Variants in CYC1 observed in about 807,000 individuals in gnomAD.
The protein encoded by CYC1 is cytochrome c1, heme protein, mitochondrial.
In CYC1, 10 loss-of-function variants were observed where a neutral mutation model predicts 33.8. The observed-to-expected ratio is 0.30, with a 90% CI of 0.18 to 0.50. CYC1 has a LOEUF of 0.50. Among genes scored for constraint, CYC1 ranks in the 20% least tolerant of loss-of-function variants. CYC1 has a pLI of 0.98. For missense variants in CYC1, 459 were observed against 437.6 expected (o/e 1.05, Z -0.44); for synonymous variants, 224 against 181.9 (o/e 1.23, Z -1.86).
Position 144,096,048 on chromosome 8 carries a change from G to A in CYC1, c.326+19G>A. The stretch of plus-strand genomic sequence containing the variant: ...ACACCAGGTGTGCAGCTGGCTGGCT[G>A]GCTGGCAGCGGGAGGTTCTGGGTGG... On this transcript the variant is annotated intron_variant, in intron 2 of 6. Coordinates refer to ENST00000318911, the MANE Select transcript of CYC1 (RefSeq NM_001916.5). 1.3e-6 allele frequency: 2 copies of A among 1,599,874 alleles called. No homozygotes were observed. Among genetic ancestry groups the A allele is most frequent in the Non-Finnish European group, 1.7e-6 (2 of 1,174,324 alleles).
In CYC1 at chr8:144,095,129, G is replaced by GGTA; in HGVS notation, c.33_35dup (p.Val12dup). ...CGGCAGCTGCGGCTTCGCTTCGCGG[G>GGTA]GTAGTGTTGGGCCCGCGGGGCGCGG... On this transcript the variant is annotated inframe_insertion, in exon 1 of 7. Transcript: ENST00000318911. 1 of 1,211,170 alleles carries GGTA rather than the reference G, an allele frequency of 8.3e-7. No individual in the cohort carries two copies. Among genetic ancestry groups the GGTA allele is most frequent in the East Asian group, 3.4e-5 (1 of 29,532 alleles). The allele number at this position is 1,211,170 out of a possible 1,614,324, so 75.0% of individuals were successfully genotyped here. A position where few individuals can be genotyped will look rare whatever the true frequency, so the allele number is the denominator to read the frequency against.
In CYC1 at chr8:144,096,035, C is replaced by CAGCTGGCT. The variant is rs1836144992; in HGVS notation, c.326+7_326+14dup. 6.2e-7 allele frequency: 1 copy of CAGCTGGCT among 1,600,198 alleles called. No homozygotes were observed. The highest frequency in any genetic ancestry group is 2.2e-5 in the East Asian group (1 of 44,694). ...TCTTCCTTGGACCACACCAGGTGTG[C>CAGCTGGCT]AGCTGGCTGGCTGGCTGGCAGCGGG... On this transcript the variant is annotated splice_region_variant and intron_variant, in intron 2 of 6. Coordinates refer to ENST00000318911, the MANE Select transcript of CYC1 (RefSeq NM_001916.5).
chr8:144,096,738 G>T lies in CYC1; in HGVS notation c.766G>T (p.Asp256Tyr). The part of the protein sequence containing the change: ...PPIYTDVLEF[D>Y]DGTPATMSQI... Reference sequence around the variant, plus strand: ...CATCTACACAGATGTCTTAGAGTTTGACGATGGTAAGAGGCCTCCAGTCTG... The same window carrying T: ...CATCTACACAGATGTCTTAGAGTTTTACGATGGTAAGAGGCCTCCAGTCTG... The change falls in exon 5 of 7, where the codon GAC (aspartate) becomes TAC (tyrosine). Residue 256 changes from aspartate to tyrosine, a missense_variant. Transcript: ENST00000318911. The T allele has an allele frequency of 6.2e-7, 1 of 1,607,466 alleles. No individual in the cohort carries two copies. The highest frequency in any genetic ancestry group is 1.1e-5 in the South Asian group (1 of 90,860).
intron 1 of CYC1, chr8:144,095,453 G>A: frequency 6.9e-6 from 3 of 434,866 alleles, no homozygotes; most frequent in South Asian, 5.3e-5. Flanking sequence ...GGCGGGACGG[G>A]CTAGCTGCCG....
At chr8:144,095,619 T>A (rs1186768686) in intron 1 of CYC1, 8 of 596,984 alleles carry the variant, frequency 1.3e-5, no homozygotes, top group Non-Finnish European at 2.3e-5. Flanking sequence ...TTCGGTCTGA[T>A]CCCCGGCTCA....
chr8:144,095,884 C>G lies in CYC1; in HGVS notation c.181C>G (p.Leu61Val). 1 of 1,609,142 alleles carries G rather than the reference C, an allele frequency of 6.2e-7. No individual in the cohort carries two copies. The highest frequency in any genetic ancestry group is 8.5e-7 in the Non-Finnish European group (1 of 1,179,808). Residue 61 changes from leucine to valine, a missense_variant, in exon 2 of 7, where the codon CTG becomes GTG. Transcript: ENST00000318911. ...SGLSRGRKVMLSALGMLAAGG... is the reference protein window; with the variant it reads ...SGLSRGRKVMVSALGMLAAGG... ...CCTTTCCCGAGGCCGGAAAGTGATG[C>G]TGTCAGCGCTGGGCATGCTGGCGGC...
intron 6 of CYC1, 29 bp from the exon 7 acceptor site, chr8:144,097,203 T>G (rs1443878669): frequency 1.2e-6 from 2 of 1,611,122 alleles, no homozygotes; most frequent in Admixed American, 1.7e-5. Context: ...TCCTCCCCAC[T>G]CCCTTCTCTG....
At position 144,096,186 on chromosome 8, in the gene CYC1, T is replaced by C. The variant is rs1486013645; in HGVS notation, c.389T>C (p.Val130Ala). The change falls in exon 3 of 7, where the codon GTG (valine) becomes GCG (alanine). Residue 130 changes from valine (V) to alanine (A), a missense_variant. Physicochemically the swap from Val to Ala is moderately conservative, Grantham distance 64. Coordinates refer to ENST00000318911, the MANE Select transcript of CYC1 (RefSeq NM_001916.5). The part of the protein sequence containing the change: ...VCASCHSMDF[V>A]AYRHLVGVCY... ...GCCTCCTGCCACAGCATGGACTTCG[T>C]GGCCTACCGCCACCTGGTGGGCGTG... The C allele has an allele frequency of 1.2e-6, 2 of 1,614,068 alleles. No homozygotes were observed. Among genetic ancestry groups the C allele is most frequent in the Non-Finnish European group, 1.7e-6 (2 of 1,179,968 alleles).
chr8:144,096,052 G>A (rs780764166), intron 2 of CYC1, 23 bp downstream of exon 2: 4 of 1,600,136 alleles, frequency 2.5e-6, no homozygotes, highest in Non-Finnish European at 3.4e-6. Flanking sequence ...CTGGCTGGCT[G>A]GCAGCGGGAG....
chr8:144,096,995 T>C (rs983386775), intron 5 of CYC1, 39 bp from the exon 6 acceptor site: 2 of 1,533,476 alleles, frequency 1.3e-6, no homozygotes, highest in Admixed American at 1.8e-5. Flanking sequence ...AGGTTGGACA[T>C]GAGCCTGAGA....
chr8:144,096,914 G>T (rs748319053), intron 5 of CYC1, 120 bp from the exon 6 acceptor site: 1 of 1,163,290 alleles, frequency 8.6e-7, no homozygotes, highest in African/African-American at 1.5e-5. Flanking sequence ...CGTATGTCCG[G>T]TGGAGGGTAC....
Position 144,097,123 on chromosome 8 carries a change from A to G in CYC1, c.862A>G (p.Met288Val), listed in dbSNP as rs769234556. 4 of 1,612,414 alleles carry G rather than the reference A, an allele frequency of 2.5e-6. No individual in the cohort carries two copies. The highest frequency in any genetic ancestry group is 3.4e-6 in the Non-Finnish European group (4 of 1,179,150). The change falls in exon 6 of 7, where the codon ATG (methionine) becomes GTG (valine). Residue 288 changes from methionine to valine, a missense_variant. Coordinates refer to ENST00000318911, the MANE Select transcript of CYC1 (RefSeq NM_001916.5). The part of the protein sequence containing the change: ...SEPEHDHRKR[M>V]GLKMLMMMAL... ...GCCAGAGCACGACCATCGAAAACGC[A>G]TGGGGCTCAAGGTAAAAGGGTTGGG...
rs544895633 is a variant in CYC1 at position 144,095,689 on chromosome 8, G to A, written c.130-144G>A. ...CGGTCTAGGGGTCAGCGGCGGAGAGGGATGGGGTGGGTAGTGGGACAGGGT... is the reference window on the plus strand; with the variant it reads ...CGGTCTAGGGGTCAGCGGCGGAGAGAGATGGGGTGGGTAGTGGGACAGGGT... On this transcript the variant is annotated intron_variant, in intron 1 of 6. Coordinates refer to ENST00000318911, the MANE Select transcript of CYC1 (RefSeq NM_001916.5). 1.4e-5 allele frequency: 11 copies of A among 802,700 alleles called. No homozygotes were observed. The South Asian group carries it at 1.5e-4, about 11-fold the overall frequency. The allele number at this position is 802,700 out of a possible 1,614,324, so 49.7% of individuals were successfully genotyped here.
At position 144,096,619 on chromosome 8, in the gene CYC1, C is replaced by T. The variant is rs749095706; in HGVS notation, c.647C>T (p.Thr216Met). Reference protein sequence around the residue: ...GGEDYVFSLLTGYCEPPTGVS... With the variant: ...GGEDYVFSLLMGYCEPPTGVS... Reference sequence around the variant, plus strand: ...GAGGACTACGTCTTCTCCCTGCTCACGGGCTACTGCGAGCCACCCACCGGG... The same window carrying T: ...GAGGACTACGTCTTCTCCCTGCTCATGGGCTACTGCGAGCCACCCACCGGG... The change falls in exon 5 of 7, where the codon ACG (threonine) becomes ATG (methionine). Residue 216 changes from threonine to methionine, a missense_variant. Thr to Met is a moderately conservative substitution (Grantham distance 81, BLOSUM62 -1). Transcript: ENST00000318911. The T allele has an allele frequency of 9.9e-6, 16 of 1,613,894 alleles. No individual in the cohort carries two copies. Among genetic ancestry groups the T allele is most frequent in the Admixed American group, 6.7e-5 (4 of 59,996 alleles).
rs2129968969 is a variant in CYC1 at position 144,096,019 on chromosome 8, G to A, written c.316G>A (p.Asp106Asn). 1 of 1,604,018 alleles carries A rather than the reference G, an allele frequency of 6.2e-7. No homozygotes were observed. Among genetic ancestry groups the A allele is most frequent in the East Asian group, 2.2e-5 (1 of 44,798 alleles). ...WSHRGLLSSLDHTSIRRGFQV... is the reference protein window; with the variant it reads ...WSHRGLLSSLNHTSIRRGFQV... ...TCACCGTGGCCTCCTCTCTTCCTTG[G>A]ACCACACCAGGTGTGCAGCTGGCTG... Residue 106 changes from aspartate to asparagine, a missense_variant, in exon 2 of 7, where the codon GAC becomes AAC. Asp to Asn is a conservative substitution (Grantham distance 23, BLOSUM62 1). Transcript: ENST00000318911.
chr8:144,097,333 G>GT lies in CYC1; in HGVS notation c.976dup (p.Ter326LeufsTer60). 1.9e-6 allele frequency: 3 copies of GT among 1,613,680 alleles called. No homozygotes were observed. The highest frequency in any genetic ancestry group is 2.5e-6 in the Non-Finnish European group (3 of 1,179,884). Reference sequence around the variant, plus strand: ...GGAAGCTGGCATATCGGCCGCCCAAGTGACCCTGTCCAGTGTCTGCTTGCC... The same window carrying GT: ...GGAAGCTGGCATATCGGCCGCCCAAGTTGACCCTGTCCAGTGTCTGCTTGCC... On this transcript the variant is annotated frameshift_variant, in exon 7 of 7. Transcript: ENST00000318911. LOFTEE classifies it high-confidence loss of function.
In CYC1 at chr8:144,097,235, T is replaced by G. The variant is rs370734008; in HGVS notation, c.877T>G (p.Leu293Val). 1.6e-4 allele frequency: 257 copies of G among 1,613,986 alleles called. No homozygotes were observed. The highest frequency in any genetic ancestry group is 2.1e-4 in the Non-Finnish European group (250 of 1,179,958). ...TCTGAGCCTTCCTTGTCTGCAGATG[T>G]TGATGATGATGGCTCTGCTGGTGCC... ...DHRKRMGLKM[L>V]MMMALLVPLV... Residue 293 changes from leucine to valine, a missense_variant, in exon 7 of 7, where the codon TTG (leucine) becomes GTG (valine). Coordinates refer to ENST00000318911, the MANE Select transcript of CYC1 (RefSeq NM_001916.5).
rs768826637 is a variant in CYC1 at position 144,096,486 on chromosome 8, G to A, written c.603G>A (p.Val201=). ...GALPPDLSYI[V]RARHGGEDYV... ...TGCCCCCTGACCTCAGCTACATCGT[G>A]CGAGCTAGGTACACGGGCTGCCCAT... is the stretch of plus-strand genomic sequence containing the variant. Residue 201 remains valine, a synonymous_variant, in exon 4 of 7, where the codon GTG becomes GTA. Coordinates refer to ENST00000318911, the MANE Select transcript of CYC1 (RefSeq NM_001916.5). 3.5e-5 allele frequency: 56 copies of A among 1,614,038 alleles called. No individual in the cohort carries two copies. The highest frequency in any genetic ancestry group is 1.6e-4 in the Middle Eastern group (1 of 6,084).
Position 144,096,224 on chromosome 8 carries a change from G to A in CYC1, c.427G>A (p.Asp143Asn), listed in dbSNP as rs372663686. The A allele has an allele frequency of 2.5e-6, 4 of 1,614,100 alleles. No homozygotes were observed. The highest frequency in any genetic ancestry group is 2.2e-5 in the East Asian group (1 of 44,884). The change falls in exon 3 of 7, where the codon GAT (aspartate) becomes AAT (asparagine). Residue 143 changes from aspartate (D) to asparagine (N), a missense_variant. Asp to Asn is a conservative substitution (Grantham distance 23, BLOSUM62 1). Coordinates refer to ENST00000318911, the MANE Select transcript of CYC1 (RefSeq NM_001916.5). ...CCTGGTGGGCGTGTGCTACACGGAGGATGAAGCTAAGGAGCTGGCTGCGGA... is the reference window on the plus strand; with the variant it reads ...CCTGGTGGGCGTGTGCTACACGGAGAATGAAGCTAAGGAGCTGGCTGCGGA... ...RHLVGVCYTE[D>N]EAKELAAEVE...
Sources: allele counts gnomAD v4.1 joint callset, GRCh38; gene constraint gnomAD v4.1.1; transcripts MANE v1.5; gene names NCBI Gene and HGNC (gene_info 2026-07-23, HGNC 2026-07-21).